CHODL: variants seen among roughly 807,000 people sequenced by gnomAD.
The protein encoded by CHODL is chondrolectin, also known as transmembrane protein MT75.
In CHODL, 29 loss-of-function variants were observed where a neutral mutation model predicts 34.5. The ratio of observed to expected loss-of-function variants is 0.84; its 90% CI spans 0.63 to 1.15. The LOEUF is 1.15. Ranked by LOEUF, CHODL falls within the 50% of genes most tolerant of loss-of-function variation. CHODL has a pLI of 0.00. For missense variants in CHODL, 332 were observed against 332.5 expected (o/e 1.00, Z 0.01); for synonymous variants, 125 against 116.1 (o/e 1.08, Z -0.49).
At chr21:18,179,787 A>G (rs992956007) in intron 2 of CHODL, among the ~76,000 whole-genome samples, 2 of 152,214 alleles carry the variant, frequency 1.3e-5, no homozygotes, top group African/African-American at 2.4e-5. Flanking sequence ...TGTCTAAAAT[A>G]TTTCCATTTT....
At chr21:18,135,642 A>G (rs941952440) in intron 2 of CHODL, among the ~76,000 whole-genome samples, 2 of 152,128 alleles carry the variant, frequency 1.3e-5, no homozygotes, top group African/African-American at 2.4e-5. Flanking sequence ...ATCTACCTCT[A>G]TCATAGTACA....
intron 1 of CHODL, among the ~76,000 whole-genome samples, chr21:17,983,915 G>T (rs1484575245): frequency 5.9e-5 from 9 of 151,600 alleles, no homozygotes; most frequent in Admixed American, 1.3e-4. Context: ...GTGTGTGTGG[G>T]GGGGGTGGGG....
chr21:18,193,478 G>A (rs1023938133), intron 2 of CHODL, among the ~76,000 whole-genome samples: 5 of 151,708 alleles, frequency 3.3e-5, no homozygotes, highest in Admixed American at 1.3e-4. Context: ...GGCGGATCAC[G>A]AGGTCAGGAG....
intron 2 of CHODL, among the ~76,000 whole-genome samples, chr21:18,181,459 C>G (rs2073380399): frequency 1.3e-5 from 2 of 152,182 alleles, no homozygotes; most frequent in South Asian, 2.1e-4. Context: ...CTGGAGTGCA[C>G]TGGCGGGATC....
At chr21:18,039,838 C>A (rs1244401789) in intron 2 of CHODL, among the ~76,000 whole-genome samples, 1 of 151,582 alleles carries the variant, frequency 6.6e-6, no homozygotes, top group East Asian at 1.9e-4. Flanking sequence ...TGCAAATTAC[C>A]CTTTAAGAGA....
Position 18,152,571 on chromosome 21 carries a change from T to C in CHODL, c.-44-103938T>C, listed in dbSNP as rs984033960. 4.6e-5 allele frequency among the ~76,000 whole-genome samples: 7 copies of C among 152,148 alleles called. No homozygotes were observed. In the East Asian group the frequency reaches 1.3e-3, roughly 29 times the overall value. ...AGTCTTCCTGGCTACAGGCCAGGAGTTGTTCTCAGCTCTTAGAGGCCTTTT... is the reference window on the plus strand; with the variant it reads ...AGTCTTCCTGGCTACAGGCCAGGAGCTGTTCTCAGCTCTTAGAGGCCTTTT... On this transcript the variant is annotated intron_variant, in intron 2 of 6. Transcript: ENST00000400127.
chr21:18,156,579 A>G (rs1601081909), intron 2 of CHODL, among the ~76,000 whole-genome samples: 1 of 152,350 alleles, frequency 6.6e-6, no homozygotes. Context: ...CTGGGTCAAT[A>G]CGGTATCAAT....
chr21:18,026,568 T>G (rs887561890), intron 1 of CHODL, among the ~76,000 whole-genome samples: 1 of 152,220 alleles, frequency 6.6e-6, no homozygotes, highest in Non-Finnish European at 1.5e-5. Context: ...ATGGAACAGA[T>G]GCATGGTGAG....
intron 2 of CHODL, among the ~76,000 whole-genome samples, chr21:18,203,612 C>T (rs1302718079): frequency 1.3e-5 from 2 of 152,104 alleles, no homozygotes; most frequent in Non-Finnish European, 2.9e-5. Context: ...AAGTTTTTCA[C>T]CACAAGAGTA....
intron 2 of CHODL, 60 bp from the exon 3 acceptor site, chr21:18,256,910 G>T: frequency 6.3e-7 from 1 of 1,587,762 alleles, no homozygotes; most frequent in Non-Finnish European, 8.6e-7. Flanking sequence ...GTCAGAGTAG[G>T]ACAGGCAGAA....
At chr21:18,226,938 C>T (rs936656296) in intron 2 of CHODL, among the ~76,000 whole-genome samples, 2 of 152,100 alleles carry the variant, frequency 1.3e-5, no homozygotes, top group Non-Finnish European at 2.9e-5. Flanking sequence ...AAATAGCTGT[C>T]TTAGTCCATT....
intron 2 of CHODL, among the ~76,000 whole-genome samples, chr21:18,178,377 T>G (rs2073341183): frequency 6.6e-6 from 1 of 152,156 alleles, no homozygotes; most frequent in Admixed American, 6.5e-5. Context: ...TTTCAGATTA[T>G]CACAATTCAT....
intron 1 of CHODL, chr21:18,245,958 G>A: frequency 6.5e-7 from 1 of 1,534,492 alleles, no homozygotes; most frequent in Non-Finnish European, 8.7e-7. Flanking sequence ...ATGACTGCAG[G>A]TTCGGCACAC....
chr21:18,243,646 C>T (rs2074103071), upstream of CHODL, among the ~76,000 whole-genome samples: 1 of 151,848 alleles, frequency 6.6e-6, no homozygotes, highest in Non-Finnish European at 1.5e-5. Context: ...ACCTCAGCCT[C>T]TGGAATAGCT....
intron 2 of CHODL, among the ~76,000 whole-genome samples, chr21:18,125,240 G>A (rs1601035652): frequency 6.6e-6 from 1 of 152,194 alleles, no homozygotes; most frequent in Non-Finnish European, 1.5e-5. Flanking sequence ...CACATGGAAT[G>A]TTTGTTGTGC....
At chr21:18,036,888 A>G (rs2064317788) in intron 2 of CHODL, among the ~76,000 whole-genome samples, 2 of 152,070 alleles carry the variant, frequency 1.3e-5, no homozygotes, top group African/African-American at 4.8e-5. Flanking sequence ...GGCAGCTTGA[A>G]TAGCATTGCC....
chr21:18,083,914 A>G (rs908046766), intron 2 of CHODL, among the ~76,000 whole-genome samples: 1 of 152,160 alleles, frequency 6.6e-6, no homozygotes. Flanking sequence ...ATGAGTTAAG[A>G]CTTTGGGAGA....
intron 1 of CHODL, among the ~76,000 whole-genome samples, chr21:17,948,609 GA>G (rs777658783): frequency 3.9e-5 from 6 of 152,010 alleles, no homozygotes; most frequent in Non-Finnish European, 7.4e-5. Flanking sequence ...AGGATCATAG[GA>G]GTCTATAACA....
intron 2 of CHODL, among the ~76,000 whole-genome samples, chr21:18,129,964 A>G (rs755838924): frequency 5.9e-5 from 9 of 151,886 alleles, no homozygotes; most frequent in Non-Finnish European, 1.2e-4. Flanking sequence ...AAAAGAAACT[A>G]TATCTGTATG....
Sources: allele counts gnomAD v4.1 joint callset (sites outside exome capture counted in the v4.1 genomes callset), GRCh38; gene constraint gnomAD v4.1.1; transcripts MANE v1.5; gene names NCBI Gene and HGNC (gene_info 2026-07-23, HGNC 2026-07-21).